The following NRG3 variants were observed in gnomAD, a reference collection of about 807,000 sequenced individuals.
The protein encoded by NRG3 is pro-neuregulin-3, membrane-bound isoform.
In NRG3, 31 loss-of-function variants were observed where a neutral mutation model predicts 66.9. The ratio of observed to expected loss-of-function variants is 0.46; its 90% CI spans 0.35 to 0.63. The LOEUF is 0.63. Ranked by LOEUF, NRG3 falls within the 20% of genes least tolerant of loss-of-function variation. NRG3 has a pLI of 0.00. For synonymous variants in NRG3, 393 were observed against 359.4 expected, an observed-to-expected ratio of 1.09 and a Z score of -1.06; for missense variants, 910 against 878.9, an observed-to-expected ratio of 1.04 and a Z score of -0.45.
chr10:82,254,256 T>C (rs2077611028), intron 1 of NRG3, among the ~76,000 whole-genome samples: 1 of 152,214 alleles, frequency 6.6e-6, no homozygotes, highest in South Asian at 2.1e-4. Flanking sequence ...ACAGTGAAAC[T>C]TGAGAAACAT....
At chr10:82,729,357 C>G (rs1358639175) in intron 2 of NRG3, among the ~76,000 whole-genome samples, 3 of 152,062 alleles carry the variant, frequency 2.0e-5, no homozygotes, top group African/African-American at 7.2e-5. Context: ...ATTTTATTAC[C>G]TCTGGTATGA....
At chr10:82,258,336 T>A (rs1157951401) in intron 1 of NRG3, among the ~76,000 whole-genome samples, 8 of 152,342 alleles carry the variant, frequency 5.3e-5, no homozygotes. Context: ...ATTTTTATAT[T>A]TGATCATTTT....
intron 3 of NRG3, among the ~76,000 whole-genome samples, chr10:82,750,339 T>C (rs2058813590): frequency 6.6e-6 from 1 of 152,194 alleles, no homozygotes; most frequent in Admixed American, 6.6e-5. Context: ...ATTTCTAATT[T>C]GGTACTACCA....
chr10:82,436,065 G>A (rs574323694), intron 2 of NRG3, among the ~76,000 whole-genome samples: 1 of 152,230 alleles, frequency 6.6e-6, no homozygotes, highest in African/African-American at 2.4e-5. Flanking sequence ...ACTTGATCCA[G>A]AGCTGAGTTC....
At chr10:82,876,793 C>T (rs1248382344) in intron 4 of NRG3, among the ~76,000 whole-genome samples, 1 of 152,072 alleles carries the variant, frequency 6.6e-6, no homozygotes, top group Non-Finnish European at 1.5e-5. Flanking sequence ...GAGGCCGAGG[C>T]AGGTGGATCG....
At chr10:82,794,304 T>G (rs2060708628) in intron 3 of NRG3, among the ~76,000 whole-genome samples, 2 of 152,174 alleles carry the variant, frequency 1.3e-5, no homozygotes, top group Non-Finnish European at 2.9e-5. Context: ...AGTTTTAGTA[T>G]CAGACTAGGG....
chr10:82,225,114 T>C (rs1367401224), intron 1 of NRG3, among the ~76,000 whole-genome samples: 1 of 152,042 alleles, frequency 6.6e-6, no homozygotes, highest in Non-Finnish European at 1.5e-5. Flanking sequence ...AAAATGCAAT[T>C]ATGTAGGATT....
rs185643678 is a variant in NRG3 at position 82,727,973 on chromosome 10, G to A, written c.954-10604G>A. The stretch of plus-strand genomic sequence containing the variant: ...GATTTGACTGCCCTGCTGGATTTTG[G>A]ACTTGCATGGGACCTGTAGCCCCTT... On this transcript the variant is annotated intron_variant, in intron 2 of 8. Transcript: ENST00000372141. Among the ~76,000 whole-genome samples the A allele has an allele frequency of 4.2e-3, 647 of 152,238 alleles. 4 individuals carry two copies. Among genetic ancestry groups the A allele is most frequent in the Middle Eastern group, 0.034 (10 of 294 alleles).
At chr10:82,548,242 A>G (rs968170442) in intron 2 of NRG3, among the ~76,000 whole-genome samples, 2 of 152,064 alleles carry the variant, frequency 1.3e-5, no homozygotes, top group Admixed American at 1.3e-4. Flanking sequence ...GGATACCTTA[A>G]AAGACCTCAT....
At position 82,515,512 on chromosome 10, in the gene NRG3, T is replaced by G. The variant is rs115706533; in HGVS notation, c.953+156644T>G. ...TATTGTTTCACCAGTTTTCCTTTAG[T>G]TACTATACAAATGGGAACAAGGATG... On this transcript the variant is annotated intron_variant, in intron 2 of 8. Coordinates refer to ENST00000372141, the MANE Select transcript of NRG3 (RefSeq NM_001010848.4). 2.6e-3 allele frequency among the ~76,000 whole-genome samples: 398 copies of G among 152,296 alleles called. 3 individuals carry two copies. The highest frequency in any genetic ancestry group is 9.1e-3 in the African/African-American group (378 of 41,570).
At chr10:82,601,382 G>T (rs757445893) in intron 2 of NRG3, among the ~76,000 whole-genome samples, 1 of 152,120 alleles carries the variant, frequency 6.6e-6, no homozygotes, top group Non-Finnish European at 1.5e-5. Context: ...CCAATTTGTG[G>T]CTATCACAAA....
chr10:82,621,889 G>A (rs2049061953), intron 2 of NRG3, among the ~76,000 whole-genome samples: 1 of 152,190 alleles, frequency 6.6e-6, no homozygotes, highest in South Asian at 2.1e-4. Context: ...TCAGAACCAA[G>A]CCAGTGGTAG....
At chr10:82,324,010 G>A (rs745940900) in intron 1 of NRG3, among the ~76,000 whole-genome samples, 10 of 151,938 alleles carry the variant, frequency 6.6e-5, no homozygotes, top group East Asian at 3.9e-4. Flanking sequence ...GATTACAGGC[G>A]CCTGTGACCA....
intron 1 of NRG3, among the ~76,000 whole-genome samples, chr10:82,282,933 G>GTGTTTA: frequency 6.6e-6 from 1 of 152,040 alleles, no homozygotes; most frequent in Non-Finnish European, 1.5e-5. Flanking sequence ...TCCGATCCTG[G>GTGTTTA]CCCCGGTGTT....
At chr10:82,932,994 C>T (rs1428489786) in intron 4 of NRG3, among the ~76,000 whole-genome samples, 1 of 152,106 alleles carries the variant, frequency 6.6e-6, no homozygotes, top group East Asian at 1.9e-4. Flanking sequence ...CCCTTCTTCT[C>T]TCCCTCTTTA....
chr10:82,628,446 G>A (rs1016282718), intron 2 of NRG3, among the ~76,000 whole-genome samples: 1 of 152,094 alleles, frequency 6.6e-6, no homozygotes. Context: ...CATTATTTGA[G>A]TTGGCTCTCA....
chr10:82,684,865 G>A (rs1236161634), intron 2 of NRG3, among the ~76,000 whole-genome samples: 1 of 152,100 alleles, frequency 6.6e-6, no homozygotes, highest in Admixed American at 6.6e-5. Context: ...TGACTAAATA[G>A]GAATGTAGGA....
chr10:82,682,326 C>T (rs1157157833), intron 2 of NRG3, among the ~76,000 whole-genome samples: 1 of 151,744 alleles, frequency 6.6e-6, no homozygotes, highest in Non-Finnish European at 1.5e-5. Context: ...ACACACTGTT[C>T]ACTTAGATAT....
chr10:82,696,077 T>G (rs1446597470), intron 2 of NRG3, among the ~76,000 whole-genome samples: 1 of 152,176 alleles, frequency 6.6e-6, no homozygotes, highest in Non-Finnish European at 1.5e-5. Flanking sequence ...AGTGCACACA[T>G]TCTCAGGCAG....
Sources: allele counts gnomAD v4.1 joint callset (sites outside exome capture counted in the v4.1 genomes callset), GRCh38; gene constraint gnomAD v4.1.1; transcripts MANE v1.5; gene names NCBI Gene and HGNC (gene_info 2026-07-23, HGNC 2026-07-21).